PLEK2: variants seen among roughly 807,000 people sequenced by gnomAD.
The protein encoded by PLEK2 is pleckstrin-2.
A neutral mutation model predicts 43.8 loss-of-function variants in PLEK2; 29 were observed. The observed-to-expected ratio is 0.66, with a 90% CI of 0.49 to 0.90. The LOEUF (loss-of-function observed/expected upper bound fraction) is 0.90, where lower values mean the gene tolerates loss of function less well. PLEK2 is among the 40% of genes least tolerant of loss of function. The pLI is 0.00. For missense variants in PLEK2, 398 were observed against 448.1 expected, an observed-to-expected ratio of 0.89 and a Z score of 1.01; for synonymous variants, 162 against 173.2, an observed-to-expected ratio of 0.94 and a Z score of 0.51.
chr14:67,408,295 T>TAAATAAAATA (rs571696195), intron 1 of PLEK2, among the ~76,000 whole-genome samples: 8,084 of 116,568 alleles, frequency 0.069, 504 homozygotes, highest in African/African-American at 0.16. Flanking sequence ...TCAAAATAAA[T>TAAATAAAATA]AAATAAAATA....
Position 67,387,325 on chromosome 14 carries a change from C to G in PLEK2, c.*4G>C, listed in dbSNP as rs774358166. Reference sequence around the variant, plus strand: ...GGAGGAATCCTGGTTCCCTCAGGTCCTTGTCATGTTAGCTTTTTGATAGCT... The same window carrying G: ...GGAGGAATCCTGGTTCCCTCAGGTCGTTGTCATGTTAGCTTTTTGATAGCT... On this transcript the variant is annotated 3_prime_UTR_variant, in exon 9 of 9. Transcript: ENST00000216446. The G allele has an allele frequency of 1.2e-6, 2 of 1,608,496 alleles. No homozygotes were observed. Among genetic ancestry groups the G allele is most frequent in the Non-Finnish European group, 1.7e-6 (2 of 1,178,144 alleles).
chr14:67,406,902 C>T (rs1419178999), intron 1 of PLEK2, among the ~76,000 whole-genome samples: 1 of 152,134 alleles, frequency 6.6e-6, no homozygotes, highest in Non-Finnish European at 1.5e-5. Flanking sequence ...GACACTTGTC[C>T]CTGGGCAGAG....
intron 5 of PLEK2, 79 bp from the exon 6 acceptor site, chr14:67,392,506 G>T: frequency 7.7e-7 from 1 of 1,304,394 alleles, no homozygotes; most frequent in South Asian, 1.2e-5. Flanking sequence ...GAGGGGAAAG[G>T]AAATTCCTCA....
chr14:67,395,333 G>A, intron 3 of PLEK2, 69 bp downstream of exon 3: 1 of 1,434,230 alleles, frequency 7.0e-7, no homozygotes, highest in South Asian at 1.2e-5. Context: ...CCCCCAAGGG[G>A]CAGGGTCCCC....
intron 1 of PLEK2, among the ~76,000 whole-genome samples, chr14:67,410,411 G>A (rs932565779): frequency 3.3e-5 from 5 of 152,114 alleles, no homozygotes; most frequent in African/African-American, 7.2e-5. Context: ...CTCCCAAGCC[G>A]CAGTTAAATG....
intron 1 of PLEK2, among the ~76,000 whole-genome samples, chr14:67,411,815 G>A (rs2086117042): frequency 6.6e-6 from 1 of 152,214 alleles, no homozygotes; most frequent in Admixed American, 6.5e-5. Flanking sequence ...CTCCTTGCCT[G>A]TGCGCTGAGC....
chr14:67,410,792 G>A (rs2086110693), intron 1 of PLEK2, among the ~76,000 whole-genome samples: 2 of 152,112 alleles, frequency 1.3e-5, no homozygotes, highest in Admixed American at 1.3e-4. Context: ...GCTCAGCCCT[G>A]GATTTATATG....
intron 3 of PLEK2, among the ~76,000 whole-genome samples, chr14:67,394,031 T>C (rs1007728108): frequency 3.3e-5 from 5 of 152,200 alleles, no homozygotes; most frequent in African/African-American, 1.2e-4. Flanking sequence ...TGTCAGCCTC[T>C]TTCTCCTGCC....
chr14:67,387,992 C>G (rs1296844173), intron 8 of PLEK2, among the ~76,000 whole-genome samples: 1 of 152,190 alleles, frequency 6.6e-6, no homozygotes. Flanking sequence ...GCCATCAGCA[C>G]AGAAACTGAG....
At chr14:67,389,797 T>G (rs542884769) in intron 7 of PLEK2, among the ~76,000 whole-genome samples, 4 of 151,980 alleles carry the variant, frequency 2.6e-5, no homozygotes, top group Non-Finnish European at 4.4e-5. Context: ...TTTAAGTGTT[T>G]TTTCATTTGT....
chr14:67,396,759 T>C (rs28665667), intron 2 of PLEK2, among the ~76,000 whole-genome samples: 25,328 of 135,034 alleles, frequency 0.19, no homozygotes, highest in African/African-American at 0.41. Context: ...ATAAAGGGTT[T>C]TCTGCAGCTC....
At chr14:67,409,809 C>A (rs1311968836) in intron 1 of PLEK2, among the ~76,000 whole-genome samples, 1 of 152,196 alleles carries the variant, frequency 6.6e-6, no homozygotes, top group Non-Finnish European at 1.5e-5. Context: ...ACTATGGAAT[C>A]CCCCTGCCAC....
At chr14:67,394,903 TCA>T (rs1310874346) in intron 3 of PLEK2, among the ~76,000 whole-genome samples, 3 of 152,228 alleles carry the variant, frequency 2.0e-5, no homozygotes, top group East Asian at 3.9e-4. Flanking sequence ...CTCAGCCCCC[TCA>T]CTGTGTGATG....
At chr14:67,404,479 C>T (rs1461845120) in intron 1 of PLEK2, among the ~76,000 whole-genome samples, 2 of 151,886 alleles carry the variant, frequency 1.3e-5, no homozygotes, top group Admixed American at 6.6e-5. Context: ...AAACAACAAA[C>T]CTCTAGTAGT....
chr14:67,387,355 T>A lies in PLEK2; in HGVS notation c.1036A>T (p.Ile346Phe), dbSNP rs1288113758. 5 of 1,611,316 alleles carry A rather than the reference T, an allele frequency of 3.1e-6. No individual in the cohort carries two copies. The highest frequency in any genetic ancestry group is 4.2e-6 in the Non-Finnish European group (5 of 1,179,120). ...CATGTTAGCTTTTTGATAGCTTCAA[T>A]CCACTCGGCTCGCTCAGCCTTGCTG... is the stretch of plus-strand genomic sequence containing the variant. ...ASSKAERAEW[I>F]EAIKKLT The change falls in exon 9 of 9, where the codon ATT (isoleucine) becomes TTT (phenylalanine). Residue 346 changes from isoleucine to phenylalanine, a missense_variant. Ile to Phe is a conservative substitution (Grantham distance 21). Transcript: ENST00000216446.
intron 6 of PLEK2, among the ~76,000 whole-genome samples, chr14:67,391,216 A>G (rs1466795013): frequency 2.6e-5 from 4 of 152,150 alleles, no homozygotes; most frequent in Non-Finnish European, 5.9e-5. Flanking sequence ...TGCATTAGGA[A>G]AAAAGCAAGA....
intron 3 of PLEK2, among the ~76,000 whole-genome samples, chr14:67,394,347 G>C (rs1483401308): frequency 6.6e-6 from 1 of 152,036 alleles, no homozygotes; most frequent in African/African-American, 2.4e-5. Context: ...AGTGAGCCAT[G>C]ATCGAGCCAC....
rs113798568 is a variant in PLEK2, at chr14:67,395,981, C to T, written c.208-398G>A. Reference sequence around the variant, plus strand: ...TGCCACTTGGCTGTGGACTCCCGGGCACATTAGGAAATGACAGGATATTAA... The same window carrying T: ...TGCCACTTGGCTGTGGACTCCCGGGTACATTAGGAAATGACAGGATATTAA... On this transcript the variant is annotated intron_variant, in intron 2 of 8. Coordinates refer to ENST00000216446, the MANE Select transcript of PLEK2 (RefSeq NM_016445.3). 6.5e-3 allele frequency among the ~76,000 whole-genome samples: 987 copies of T among 152,284 alleles called. 7 individuals are homozygous for T. Among genetic ancestry groups the T allele is most frequent in the Admixed American group, 0.016 (246 of 15,302 alleles).
In PLEK2 at chr14:67,387,328, G is replaced by C; in HGVS notation, c.*1C>G. 5 of 1,609,016 alleles carry C rather than the reference G, an allele frequency of 3.1e-6. No individual in the cohort carries two copies. Among genetic ancestry groups the C allele is most frequent in the Non-Finnish European group, 4.2e-6 (5 of 1,178,270 alleles). ...GGAATCCTGGTTCCCTCAGGTCCTTGTCATGTTAGCTTTTTGATAGCTTCA... is the reference window on the plus strand; with the variant it reads ...GGAATCCTGGTTCCCTCAGGTCCTTCTCATGTTAGCTTTTTGATAGCTTCA... On this transcript the variant is annotated 3_prime_UTR_variant, in exon 9 of 9. Coordinates refer to ENST00000216446, the MANE Select transcript of PLEK2 (RefSeq NM_016445.3).
Sources: allele counts gnomAD v4.1 joint callset (sites outside exome capture counted in the v4.1 genomes callset), GRCh38; gene constraint gnomAD v4.1.1; transcripts MANE v1.5; gene names NCBI Gene and HGNC (gene_info 2026-07-23, HGNC 2026-07-21).